ACO1: variants seen among roughly 807,000 people sequenced by gnomAD.
ACO1 encodes cytoplasmic aconitate hydratase.
A neutral mutation model predicts 105.1 loss-of-function variants in ACO1; 78 were observed. The ratio of observed to expected loss-of-function variants is 0.74; its 90% CI spans 0.62 to 0.90. The LOEUF is 0.90. Ranked by LOEUF, ACO1 falls within the 40% of genes least tolerant of loss-of-function variation. ACO1 has a pLI of 0.00. For synonymous variants in ACO1, 364 were observed against 397.4 expected (o/e 0.92, Z 1.00); for missense variants, 965 against 1,111.1 (o/e 0.87, Z 1.87).
intron 1 of ACO1, among the ~76,000 whole-genome samples, chr9:32,391,529 G>C (rs1225775364): frequency 1.3e-5 from 2 of 152,208 alleles, no homozygotes; most frequent in African/African-American, 4.8e-5. Flanking sequence ...AAGGCTGTTT[G>C]TACATGAGTG....
chr9:32,424,880 G>A (rs1480257144), intron 10 of ACO1, among the ~76,000 whole-genome samples: 1 of 151,286 alleles, frequency 6.6e-6, no homozygotes, highest in Non-Finnish European at 1.5e-5. Flanking sequence ...ACCTTTTTAA[G>A]CATGTCTGCT....
rs1404564367 is a variant in ACO1 at position 32,450,939 on chromosome 9, T to C, written c.*828T>C. 6.7e-6 allele frequency: 1 copy of C among 149,796 alleles called. No individual in the cohort carries two copies. The highest frequency in any genetic ancestry group is 1.5e-5 in the Non-Finnish European group (1 of 67,958). The allele number at this position is 149,796 out of a possible 1,614,324, so 9.3% of individuals were successfully genotyped here. A position where few individuals can be genotyped will look rare whatever the true frequency, so the allele number is the denominator to read the frequency against. On this transcript the variant is annotated 3_prime_UTR_variant, in exon 21 of 21. Transcript: ENST00000309951. Reference sequence around the variant, plus strand: ...CATTGGGAAGCCTGAATAACCTTCATATTCTCCCATTTTTACAACTCTATC... The same window carrying C: ...CATTGGGAAGCCTGAATAACCTTCACATTCTCCCATTTTTACAACTCTATC...
chr9:32,432,641 G>C (rs1282417685), intron 15 of ACO1, among the ~76,000 whole-genome samples: 3 of 152,152 alleles, frequency 2.0e-5, no homozygotes, highest in Admixed American at 2.0e-4. Context: ...CCCAGTGTTT[G>C]TGTGACCTGG....
chr9:32,386,616 C>T (rs1821161220), intron 1 of ACO1, among the ~76,000 whole-genome samples: 3 of 152,146 alleles, frequency 2.0e-5, no homozygotes, highest in South Asian at 2.1e-4. Context: ...ATGCTACAGC[C>T]GATACTTGAG....
At chr9:32,431,971 T>G (rs1822249449) in intron 15 of ACO1, 128 bp downstream of exon 15, 1 of 1,119,794 alleles carries the variant, frequency 8.9e-7, no homozygotes, top group East Asian at 2.9e-5. Context: ...TTTCTTCAGA[T>G]GACTGGGGAG....
Position 32,449,032 on chromosome 9 carries a change from C to T in ACO1, c.2507C>T (p.Thr836Ile). 6.2e-7 allele frequency: 1 copy of T among 1,612,812 alleles called. No homozygotes were observed. ...GGGCTCACAGGGCAAGAACGATACA[C>T]TATCATTATTCCAGAAAACCTCAAA... The part of the protein sequence containing the change: ...ALGLTGQERY[T>I]IIIPENLKPQ... The change falls in exon 20 of 21, where the codon ACT becomes ATT. Residue 836 changes from threonine to isoleucine, a missense_variant. Thr to Ile is a moderately conservative substitution (Grantham distance 89). Coordinates refer to ENST00000309951, the MANE Select transcript of ACO1 (RefSeq NM_002197.3).
chr9:32,415,715 G>T (rs1000267295), intron 4 of ACO1, among the ~76,000 whole-genome samples: 6 of 152,138 alleles, frequency 3.9e-5, no homozygotes, highest in African/African-American at 1.4e-4. Flanking sequence ...CTATCCCGGG[G>T]TCCCTCCTTT....
chr9:32,414,418 A>G (rs1053489209), intron 4 of ACO1, among the ~76,000 whole-genome samples: 11 of 152,364 alleles, frequency 7.2e-5, no homozygotes, highest in South Asian at 2.1e-4. Flanking sequence ...TGCTAGGTCT[A>G]TTCATTCCAG....
Position 32,436,053 on chromosome 9 carries a change from C to A in ACO1, c.2100-197C>A, listed in dbSNP as rs780000859. 6 of 717,880 alleles carry A rather than the reference C, an allele frequency of 8.4e-6. No individual in the cohort carries two copies. In the South Asian group the frequency reaches 8.9e-5, roughly 11 times the overall value. 44.5% of individuals were successfully genotyped at this position (717,880 alleles called of 1,614,324 possible). On this transcript the variant is annotated intron_variant, in intron 17 of 20. Coordinates refer to ENST00000309951, the MANE Select transcript of ACO1 (RefSeq NM_002197.3). The stretch of plus-strand genomic sequence containing the variant: ...GAATACTGACTTATGCCTCTCACCA[C>A]CCCTTCTCACCTCTCTCTCTTCTCC...
chr9:32,392,009 T>A (rs879663175), intron 1 of ACO1, among the ~76,000 whole-genome samples: 12 of 152,226 alleles, frequency 7.9e-5, no homozygotes, highest in Non-Finnish European at 1.5e-4. Context: ...CTATATTATT[T>A]ACATCAACCC....
intron 4 of ACO1, among the ~76,000 whole-genome samples, chr9:32,416,463 T>A (rs1489723481): frequency 1.3e-5 from 2 of 152,128 alleles, no homozygotes; most frequent in African/African-American, 4.8e-5. Context: ...TGTCTGCCCA[T>A]CTTGCTCGGG....
intron 9 of ACO1, 109 bp from the exon 10 acceptor site, chr9:32,424,440 A>G: frequency 1.4e-6 from 1 of 708,840 alleles, no homozygotes; most frequent in African/African-American, 1.8e-5. Flanking sequence ...GTGGTAGTTT[A>G]TTTGCTTATT....
At chr9:32,445,650 T>C in intron 19 of ACO1, 1 of 254,218 alleles carries the variant, frequency 3.9e-6, no homozygotes, top group South Asian at 3.2e-5. Flanking sequence ...TCTTGCCTTC[T>C]GCTAGCTTTT....
chr9:32,431,781 C>T lies in ACO1; in HGVS notation c.1789C>T (p.Gln597Ter), dbSNP rs1822244136. The T allele has an allele frequency of 6.2e-7, 1 of 1,614,108 alleles. No individual in the cohort carries two copies. The highest frequency in any genetic ancestry group is 1.1e-5 in the South Asian group (1 of 91,082). ...TATCTGGCCGACTAGAGACGAGATCCAGGCAGTGGAGCGTCAGTATGTCAT... is the reference window on the plus strand; with the variant it reads ...TATCTGGCCGACTAGAGACGAGATCTAGGCAGTGGAGCGTCAGTATGTCAT... ...KDIWPTRDEI[Q>*]AVERQYVIPG... is the part of the protein sequence containing the mutation. Residue 597 changes from glutamine (Q) to a stop codon, truncating the protein, a stop_gained, in exon 15 of 21, where the codon CAG becomes TAG. Transcript: ENST00000309951. LOFTEE classifies it high-confidence loss of function.
At chr9:32,436,183 T>C in intron 17 of ACO1, 67 bp from the exon 18 acceptor site, 1 of 1,598,350 alleles carries the variant, frequency 6.3e-7, no homozygotes, top group Non-Finnish European at 8.6e-7. Flanking sequence ...TTTCTTTTCT[T>C]GGTGTAAGCT....
At chr9:32,406,164 G>A (rs1821604961) in intron 2 of ACO1, among the ~76,000 whole-genome samples, 2 of 152,192 alleles carry the variant, frequency 1.3e-5, no homozygotes, top group African/African-American at 4.8e-5. Context: ...TGGCCATGCT[G>A]CATAGTGTTT....
In ACO1 at chr9:32,421,011, G is replaced by A. The variant is rs756227987; in HGVS notation, c.954G>A (p.Thr318=). 108 of 1,614,028 alleles carry A rather than the reference G, an allele frequency of 6.7e-5. No homozygotes were observed. The highest frequency in any genetic ancestry group is 6.6e-4 in the Middle Eastern group (4 of 6,062). Residue 318 remains threonine (T), a synonymous_variant, in exon 8 of 21, where the codon ACG becomes ACA. Transcript: ENST00000309951. Reference sequence around the variant, plus strand: ...TCCCAGTTGATGAAGTTAGTATCACGTACCTGGTGCAAACAGGTAAGTGAA... The same window carrying A: ...TCCCAGTTGATGAAGTTAGTATCACATACCTGGTGCAAACAGGTAAGTGAA... ...AFFPVDEVSI[T]YLVQTGRDEE...
chr9:32,435,085 A>G (rs1200698503), intron 17 of ACO1, among the ~76,000 whole-genome samples: 1 of 152,184 alleles, frequency 6.6e-6, no homozygotes, highest in Non-Finnish European at 1.5e-5. Flanking sequence ...TTTACAGAGC[A>G]CTGCTTGGAG....
chr9:32,417,633 C>T (rs976520278), intron 4 of ACO1, among the ~76,000 whole-genome samples: 2 of 152,202 alleles, frequency 1.3e-5, no homozygotes, highest in Non-Finnish European at 2.9e-5. Flanking sequence ...TGGTCCTACA[C>T]ACAGGAGATT....
Sources: gnomAD v4.1 joint callset for allele counts (sites outside exome capture counted in the v4.1 genomes callset) on GRCh38, gnomAD v4.1.1 for gene constraint, MANE v1.5 for transcripts, NCBI Gene and HGNC (gene_info 2026-07-23, HGNC 2026-07-21) for gene names.